Variants in MEIS1 observed in about 807,000 individuals in gnomAD.
MEIS1 encodes the protein Meis homeobox 1.
A neutral mutation model predicts 50.8 loss-of-function variants in MEIS1; 5 were observed. The observed-to-expected ratio is 0.10, with a 90% CI of 0.05 to 0.21. The LOEUF (loss-of-function observed/expected upper bound fraction) is 0.21, where lower values mean the gene tolerates loss of function less well. Ranked by LOEUF, MEIS1 falls within the 10% of genes least tolerant of loss-of-function variation. The pLI is 1.00. For synonymous variants in MEIS1, 176 were observed against 179.3 expected (o/e 0.98, Z 0.15); for missense variants, 318 against 517.3 (o/e 0.61, Z 3.74).
rs552336485 is a variant in MEIS1 at position 66,547,019 on chromosome 2, G to T, written c.889-924G>T. On this transcript the variant is annotated intron_variant, in intron 8 of 12. Transcript: ENST00000272369. Reference sequence around the variant, plus strand: ...TAGAATAGAGGGTTGACTCTCAGAAGAATTTTATCTTGGGATAATTTATTG... The same window carrying T: ...TAGAATAGAGGGTTGACTCTCAGAATAATTTTATCTTGGGATAATTTATTG... 3.9e-5 allele frequency among the ~76,000 whole-genome samples: 6 copies of T among 152,278 alleles called. No homozygotes were observed. The South Asian group carries it at 1.2e-3, about 32-fold the overall frequency.
intron 6 of MEIS1, among the ~76,000 whole-genome samples, chr2:66,456,904 T>A (rs540776214): frequency 6.6e-6 from 1 of 152,344 alleles, no homozygotes; most frequent in African/African-American, 2.4e-5. Flanking sequence ...GTGCACAGTG[T>A]GGACTTAGAA....
chr2:66,571,066 G>GT (rs1675475034), intron 12 of MEIS1, 180 bp from the exon 13 acceptor site: 2 of 641,330 alleles, frequency 3.1e-6, no homozygotes, highest in South Asian at 2.5e-5. Flanking sequence ...CAAAATGTGA[G>GT]TTTCCAGCAT....
intron 8 of MEIS1, among the ~76,000 whole-genome samples, chr2:66,540,070 G>T (rs1009854993): frequency 3.3e-5 from 5 of 152,198 alleles, no homozygotes; most frequent in Admixed American, 1.3e-4. Context: ...CTAAGTAGCT[G>T]TGTGCTGTTG....
At chr2:66,438,539 C>T (rs1167697669) in intron 2 of MEIS1, among the ~76,000 whole-genome samples, 4 of 152,206 alleles carry the variant, frequency 2.6e-5, no homozygotes, top group African/African-American at 9.6e-5. Context: ...TGAATTGTTA[C>T]ACACATTAAG....
At chr2:66,476,326 G>T (rs2103773695) in intron 7 of MEIS1, among the ~76,000 whole-genome samples, 1 of 152,170 alleles carries the variant, frequency 6.6e-6, no homozygotes, top group East Asian at 1.9e-4. Context: ...TCAGGTAAAA[G>T]GAATACATTT....
intron 6 of MEIS1, among the ~76,000 whole-genome samples, chr2:66,461,394 A>G (rs1672515179): frequency 6.6e-6 from 1 of 152,160 alleles, no homozygotes; most frequent in Non-Finnish European, 1.5e-5. Flanking sequence ...ATGCTTAATG[A>G]ACTGAACTAA....
At position 66,567,594 on chromosome 2, in the gene MEIS1, T is replaced by C. The variant is rs756508724; in HGVS notation, c.1024+83T>C. The C allele has an allele frequency of 2.3e-6, 3 of 1,290,396 alleles. No individual in the cohort carries two copies. The East Asian group carries it at 7.2e-5, about 31-fold the overall frequency. The allele number at this position is 1,290,396 out of a possible 1,614,324, so 79.9% of individuals were successfully genotyped here. On this transcript the variant is annotated intron_variant, in intron 10 of 12. Coordinates refer to ENST00000272369, the MANE Select transcript of MEIS1 (RefSeq NM_002398.3). ...ATTCACCGGGAGGTCCGCTACCTGG[T>C]AAATAAACTGGGAGTGAGTATAGGA...
chr2:66,451,566 A>T (rs1672276514), intron 6 of MEIS1, among the ~76,000 whole-genome samples: 1 of 152,056 alleles, frequency 6.6e-6, no homozygotes, highest in Non-Finnish European at 1.5e-5. Flanking sequence ...CCTCCTCTTA[A>T]TGTCTCCAAA....
intron 7 of MEIS1, among the ~76,000 whole-genome samples, chr2:66,506,950 A>G (rs993959808): frequency 6.6e-6 from 1 of 152,188 alleles, no homozygotes; most frequent in Admixed American, 6.5e-5. Flanking sequence ...TTGTGTCAGC[A>G]GCCACTAGCA....
At chr2:66,502,543 G>T (rs576688360) in intron 7 of MEIS1, among the ~76,000 whole-genome samples, 7 of 152,310 alleles carry the variant, frequency 4.6e-5, no homozygotes, top group African/African-American at 1.7e-4. Flanking sequence ...AGTTCTTTGA[G>T]ATTGCTTTTA....
At chr2:66,472,429 CA>C (rs1672784083) in intron 7 of MEIS1, among the ~76,000 whole-genome samples, 1 of 152,290 alleles carries the variant, frequency 6.6e-6, no homozygotes, top group East Asian at 1.9e-4. Context: ...GTCAAGTCAT[CA>C]AAAATAGATT....
At chr2:66,548,118 C>T (rs1674834488) in intron 9 of MEIS1, 99 bp downstream of exon 9, 2 of 1,124,304 alleles carry the variant, frequency 1.8e-6, no homozygotes, top group Admixed American at 2.2e-5. Context: ...GTTGCCACTG[C>T]TTTCCCTGGT....
At chr2:66,528,192 T>C (rs915908871) in intron 8 of MEIS1, among the ~76,000 whole-genome samples, 3 of 151,760 alleles carry the variant, frequency 2.0e-5, no homozygotes, top group African/African-American at 4.8e-5. Context: ...ATCCAGAGAG[T>C]GCCAAGAGAG....
chr2:66,544,244 C>T (rs1048753283), intron 8 of MEIS1, among the ~76,000 whole-genome samples: 1 of 151,980 alleles, frequency 6.6e-6, no homozygotes, highest in African/African-American at 2.4e-5. Flanking sequence ...CTGTGGCATG[C>T]TGGGTTTTTG....
intron 9 of MEIS1, among the ~76,000 whole-genome samples, chr2:66,564,720 GT>G (rs527736673): frequency 0.039 from 5,526 of 142,628 alleles, 203 homozygotes; most frequent in African/African-American, 0.097. Flanking sequence ...AAAAGTAATT[GT>G]TTTTTTTTTT....
chr2:66,517,677 A>T (rs945986919), intron 8 of MEIS1, among the ~76,000 whole-genome samples: 10 of 152,296 alleles, frequency 6.6e-5, no homozygotes, highest in African/African-American at 2.4e-4. Context: ...TTTTTCACTC[A>T]AGTGGGAATC....
intron 7 of MEIS1, among the ~76,000 whole-genome samples, chr2:66,495,776 A>G (rs1673387771): frequency 6.6e-6 from 1 of 152,152 alleles, no homozygotes. Flanking sequence ...CACTGTTAAG[A>G]GTGATGAGGG....
At chr2:66,556,491 CTT>C (rs11369455) in intron 9 of MEIS1, among the ~76,000 whole-genome samples, 1 of 144,194 alleles carries the variant, frequency 6.9e-6, no homozygotes, top group African/African-American at 2.6e-5. Context: ...GATAAAGTCA[CTT>C]TTTTTTTTTT....
At chr2:66,437,535 C>T (rs1671826457) in intron 1 of MEIS1, 3 of 600,406 alleles carry the variant, frequency 5.0e-6, no homozygotes, top group Admixed American at 5.4e-5. Flanking sequence ...TCATCCCAGA[C>T]GAGTCTCGCT....
Sources: gnomAD v4.1 joint callset for allele counts (sites outside exome capture counted in the v4.1 genomes callset) on GRCh38, gnomAD v4.1.1 for gene constraint, MANE v1.5 for transcripts, NCBI Gene and HGNC (gene_info 2026-07-23, HGNC 2026-07-21) for gene names.